Variants in AGBL4 observed in about 807,000 individuals in gnomAD.
AGBL4 encodes AGBL carboxypeptidase 4, also known as cytosolic carboxypeptidase 6.
A neutral mutation model predicts 66.4 loss-of-function variants in AGBL4; 58 were observed. The observed-to-expected ratio is 0.87, with a 90% confidence interval of 0.71 to 1.09. AGBL4 has a LOEUF of 1.09. Among genes scored for constraint, AGBL4 ranks in the 50% least tolerant of loss-of-function variants. The pLI, the probability that AGBL4 is intolerant of heterozygous loss-of-function variation, is 0.00. For missense variants in AGBL4, 579 were observed against 631.0 expected (o/e 0.92, Z 0.88); for synonymous variants, 234 against 222.9 (o/e 1.05, Z -0.44).
At chr1:49,507,209 GC>G (rs941816512) in intron 3 of AGBL4, among the ~76,000 whole-genome samples, 58 of 152,082 alleles carry the variant, frequency 3.8e-4, no homozygotes, top group African/African-American at 1.3e-3. Flanking sequence ...AGCCATACCA[GC>G]ATCCCAGCTG....
intron 3 of AGBL4, among the ~76,000 whole-genome samples, chr1:49,282,728 A>G (rs1644303904): frequency 6.6e-6 from 1 of 152,186 alleles, no homozygotes; most frequent in African/African-American, 2.4e-5. Context: ...GGGGTCAGGG[A>G]GTTCCCTTTA....
At chr1:49,613,100 G>T (rs1014198976) in intron 3 of AGBL4, among the ~76,000 whole-genome samples, 2 of 152,070 alleles carry the variant, frequency 1.3e-5, no homozygotes, top group East Asian at 3.9e-4. Context: ...GCAGCTGGAG[G>T]TCATTTTCCT....
chr1:49,333,987 T>C (rs1038165677), intron 3 of AGBL4, among the ~76,000 whole-genome samples: 1 of 152,194 alleles, frequency 6.6e-6, no homozygotes, highest in African/African-American at 2.4e-5. Context: ...AGGTTTCAGA[T>C]TGTAATGAAA....
chr1:49,361,837 CCA>C (rs1303039959), intron 3 of AGBL4, among the ~76,000 whole-genome samples: 2 of 152,004 alleles, frequency 1.3e-5, no homozygotes, highest in Non-Finnish European at 2.9e-5. Context: ...GTCTCATGGA[CCA>C]TGATAACTTT....
intron 5 of AGBL4, among the ~76,000 whole-genome samples, chr1:48,987,519 G>A (rs1263035024): frequency 6.6e-6 from 1 of 151,910 alleles, no homozygotes; most frequent in Non-Finnish European, 1.5e-5. Flanking sequence ...GATACATAAA[G>A]CAAAAATTGA....
intron 11 of AGBL4, among the ~76,000 whole-genome samples, chr1:48,568,435 C>T (rs1644509590): frequency 6.6e-6 from 1 of 152,128 alleles, no homozygotes; most frequent in Non-Finnish European, 1.5e-5. Context: ...CCCTGTTCAT[C>T]CTGGGGTAGA....
intron 3 of AGBL4, among the ~76,000 whole-genome samples, chr1:49,458,741 T>C (rs1646444712): frequency 6.6e-6 from 1 of 151,664 alleles, no homozygotes; most frequent in South Asian, 2.1e-4. Flanking sequence ...ATATCGATTT[T>C]GTTGAGGGAT....
intron 3 of AGBL4, among the ~76,000 whole-genome samples, chr1:49,427,721 T>C (rs1645695400): frequency 1.3e-5 from 2 of 152,310 alleles, no homozygotes; most frequent in Non-Finnish European, 2.9e-5. Flanking sequence ...CAAGGTTTAT[T>C]GTGAAGAACA....
chr1:48,558,908 C>T (rs1434609321), intron 11 of AGBL4, among the ~76,000 whole-genome samples: 1 of 152,196 alleles, frequency 6.6e-6, no homozygotes, highest in Non-Finnish European at 1.5e-5. Context: ...TGTTTCATCA[C>T]ACCTCTTAAT....
In AGBL4 at chr1:49,656,633, C is replaced by T. The variant is rs531973638; in HGVS notation, c.282+40680G>A. 4.2e-4 allele frequency among the ~76,000 whole-genome samples: 64 copies of T among 152,280 alleles called. No homozygotes were observed. In the Middle Eastern group the frequency reaches 0.01, roughly 24 times the overall value. ...TAAAATACTGGCAAACCGAATCCAGCAGCACATCAAAAAGCTTATCCACCA... is the reference window on the plus strand; with the variant it reads ...TAAAATACTGGCAAACCGAATCCAGTAGCACATCAAAAAGCTTATCCACCA... On this transcript the variant is annotated intron_variant, in intron 3 of 13. Transcript: ENST00000371839.
chr1:49,243,613 A>G (rs1007198350), intron 4 of AGBL4, among the ~76,000 whole-genome samples: 2 of 151,826 alleles, frequency 1.3e-5, no homozygotes, highest in African/African-American at 4.8e-5. Flanking sequence ...TCCCTTTTGG[A>G]ACAGATCTTT....
At chr1:49,799,153 T>G (rs1332519350) in intron 2 of AGBL4, among the ~76,000 whole-genome samples, 1 of 152,164 alleles carries the variant, frequency 6.6e-6, no homozygotes, top group Non-Finnish European at 1.5e-5. Context: ...TGAAGTTAAT[T>G]TTCATTAAAA....
At chr1:49,969,061 A>G (rs1279366673) in intron 1 of AGBL4, among the ~76,000 whole-genome samples, 1 of 152,232 alleles carries the variant, frequency 6.6e-6, no homozygotes, top group East Asian at 1.9e-4. Flanking sequence ...GTAACATACA[A>G]GTACTCAGAA....
chr1:49,096,433 C>G (rs940122178), intron 4 of AGBL4, among the ~76,000 whole-genome samples: 1 of 151,816 alleles, frequency 6.6e-6, no homozygotes, highest in Non-Finnish European at 1.5e-5. Flanking sequence ...AGACTTGGAA[C>G]CAACCCAAAT....
rs546593031 is a variant in AGBL4 at position 49,091,663 on chromosome 1, G to C, written c.378-45863C>G. Reference sequence around the variant, plus strand: ...TAAAACAGAATTTTAATTCAACCCAGAAATCCCATAATTGGGTATACACCC... The same window carrying C: ...TAAAACAGAATTTTAATTCAACCCACAAATCCCATAATTGGGTATACACCC... On this transcript the variant is annotated intron_variant, in intron 4 of 13. Transcript: ENST00000371839. Among the ~76,000 whole-genome samples the C allele has an allele frequency of 8.3e-4, 127 of 152,150 alleles. 3 individuals carry two copies. In the South Asian group the frequency reaches 0.026, roughly 31 times the overall value.
intron 1 of AGBL4, among the ~76,000 whole-genome samples, chr1:49,954,398 G>T (rs772853238): frequency 6.6e-6 from 1 of 151,924 alleles, no homozygotes; most frequent in Non-Finnish European, 1.5e-5. Flanking sequence ...ATTATCATGG[G>T]AGCAGGCTCC....
At chr1:49,681,526 C>T (rs539947677) in intron 3 of AGBL4, among the ~76,000 whole-genome samples, 8 of 152,236 alleles carry the variant, frequency 5.3e-5, no homozygotes, top group South Asian at 2.1e-4. Context: ...AGCACTCTAG[C>T]GTCACATTAT....
intron 6 of AGBL4, among the ~76,000 whole-genome samples, chr1:48,808,805 G>A (rs943648131): frequency 2.0e-5 from 3 of 152,198 alleles, no homozygotes; most frequent in Non-Finnish European, 4.4e-5. Flanking sequence ...TTCTCTCCCT[G>A]GAGCCGTAGA....
chr1:49,303,596 G>A (rs1644795450), intron 3 of AGBL4, among the ~76,000 whole-genome samples: 1 of 151,958 alleles, frequency 6.6e-6, no homozygotes, highest in Non-Finnish European at 1.5e-5. Flanking sequence ...GGGATTAAAG[G>A]TGTGAATCAC....
Sources: allele counts gnomAD v4.1 joint callset (sites outside exome capture counted in the v4.1 genomes callset), GRCh38; gene constraint gnomAD v4.1.1; transcripts MANE v1.5; gene names NCBI Gene and HGNC (gene_info 2026-07-23, HGNC 2026-07-21).